ZFAND3: variants seen among roughly 807,000 people sequenced by gnomAD.
ZFAND3 encodes AN1-type zinc finger protein 3.
Under a neutral mutation model 29.6 loss-of-function variants are expected in ZFAND3, and 10 were observed. The observed-to-expected ratio is 0.34, with a 90% CI of 0.21 to 0.57. The LOEUF is 0.57. Ranked by LOEUF, ZFAND3 falls within the 20% of genes least tolerant of loss-of-function variation. The pLI, the probability that ZFAND3 is intolerant of heterozygous loss-of-function variation, is 0.86. For missense variants in ZFAND3, 230 were observed against 304.5 expected, an observed-to-expected ratio of 0.76 and a Z score of 1.82; for synonymous variants, 128 against 112.6, an observed-to-expected ratio of 1.14 and a Z score of -0.87.
chr6:38,092,828 T>G (rs777422630), intron 4 of ZFAND3, among the ~76,000 whole-genome samples: 1 of 152,236 alleles, frequency 6.6e-6, no homozygotes, highest in Non-Finnish European at 1.5e-5. Context: ...GCTTTCCGGT[T>G]TGATCCAGGA....
intron 2 of ZFAND3, among the ~76,000 whole-genome samples, chr6:37,985,670 C>G (rs1055969395): frequency 1.3e-5 from 2 of 152,052 alleles, no homozygotes; most frequent in Non-Finnish European, 2.9e-5. Context: ...CACAGTGAGA[C>G]CCTGTCTCCA....
chr6:37,929,937 C>A, intron 1 of ZFAND3, 22 bp from the exon 2 acceptor site: 2 of 1,583,588 alleles, frequency 1.3e-6, no homozygotes, highest in Non-Finnish European at 1.7e-6. Flanking sequence ...TTCTTTCTTT[C>A]TTTTCTTTTT....
At chr6:38,004,339 T>G (rs1249144375) in intron 2 of ZFAND3, among the ~76,000 whole-genome samples, 1 of 152,196 alleles carries the variant, frequency 6.6e-6, no homozygotes, top group African/African-American at 2.4e-5. Flanking sequence ...TAGCATTATA[T>G]TGCTTGCCTT....
intron 2 of ZFAND3, among the ~76,000 whole-genome samples, chr6:38,032,311 A>G (rs1312124114): frequency 6.6e-6 from 1 of 152,242 alleles, no homozygotes; most frequent in African/African-American, 2.4e-5. Flanking sequence ...AAAAGGACGT[A>G]TTATAATTTA....
intron 2 of ZFAND3, among the ~76,000 whole-genome samples, chr6:37,958,453 CAAAAAAAAAAA>C (rs11356169): frequency 1.3e-4 from 15 of 114,748 alleles, no homozygotes; most frequent in African/African-American, 4.5e-4. Context: ...GACTCGGTCT[CAAAAAAAAAAA>C]AAAAAAAAAA....
At chr6:37,980,062 TC>T (rs1197701012) in intron 2 of ZFAND3, among the ~76,000 whole-genome samples, 14 of 152,138 alleles carry the variant, frequency 9.2e-5, no homozygotes. Context: ...CACTTCATGT[TC>T]CCTTCTCTGT....
At chr6:38,009,596 C>T (rs924946256) in intron 2 of ZFAND3, among the ~76,000 whole-genome samples, 6 of 152,150 alleles carry the variant, frequency 3.9e-5, no homozygotes, top group East Asian at 1.9e-4. Context: ...ACCCAGCATA[C>T]GTAGCCACCA....
intron 1 of ZFAND3, among the ~76,000 whole-genome samples, chr6:37,918,122 G>A (rs1761297106): frequency 1.3e-5 from 2 of 152,020 alleles, no homozygotes; most frequent in Admixed American, 1.3e-4. Context: ...TGTTGCCCAG[G>A]CTGGAGTGCA....
chr6:37,908,550 A>G (rs1300664224), intron 1 of ZFAND3, among the ~76,000 whole-genome samples: 3 of 114,308 alleles, frequency 2.6e-5, no homozygotes, highest in Non-Finnish European at 5.1e-5. Flanking sequence ...ATTAAAAAAA[A>G]AAAAAAAAAG....
intron 1 of ZFAND3, among the ~76,000 whole-genome samples, chr6:37,847,552 G>A (rs1461367252): frequency 3.3e-5 from 5 of 152,124 alleles, no homozygotes; most frequent in East Asian, 1.9e-4. Context: ...CCAGCTTGGC[G>A]ACAGAGTGAG....
At chr6:37,869,417 C>A (rs1764650326) in intron 1 of ZFAND3, among the ~76,000 whole-genome samples, 1 of 152,142 alleles carries the variant, frequency 6.6e-6, no homozygotes, top group Non-Finnish European at 1.5e-5. Flanking sequence ...CCTGGGCCCC[C>A]AAAGTGCTGG....
intron 2 of ZFAND3, among the ~76,000 whole-genome samples, chr6:37,959,312 G>A (rs1357319751): frequency 2.0e-5 from 3 of 152,198 alleles, no homozygotes; most frequent in Non-Finnish European, 4.4e-5. Context: ...CGGTAGTGAT[G>A]GTTTCCTGCA....
chr6:37,973,660 C>T (rs1198642842), intron 2 of ZFAND3, among the ~76,000 whole-genome samples: 2 of 152,230 alleles, frequency 1.3e-5, no homozygotes, highest in African/African-American at 2.4e-5. Flanking sequence ...AAGCATTACA[C>T]TGAGTACTTA....
rs745711111 is a variant in ZFAND3 at position 38,061,647 on chromosome 6, A to G, written c.167A>G (p.Gln56Arg). ...TCCGCTCCAAGTACAAGTAACAGCC[A>G]ATCAGATTTGTTTTCCGAAGAGACC... ...DDSAPSTSNSQSDLFSEETTS... is the reference protein window; with the variant it reads ...DDSAPSTSNSRSDLFSEETTS... Residue 56 changes from glutamine to arginine, a missense_variant, in exon 3 of 6, where the codon CAA (glutamine) becomes CGA (arginine). Around this residue, in one of 2 missense-constraint regions of ZFAND3, gnomAD observed 180 missense variants for 202.5 expected, o/e 0.89. Transcript: ENST00000287218. The G allele has an allele frequency of 1.9e-6, 3 of 1,614,188 alleles. No individual in the cohort carries two copies. The highest frequency in any genetic ancestry group is 3.3e-5 in the Admixed American group (2 of 60,028).
At position 37,912,307 on chromosome 6, in the gene ZFAND3, T is replaced by G. The variant is rs148081842; in HGVS notation, c.72-17652T>G. Among the ~76,000 whole-genome samples the G allele has an allele frequency of 5.9e-5, 9 of 152,190 alleles. No individual in the cohort carries two copies. The East Asian group carries it at 1.7e-3, about 29-fold the overall frequency. ...GATGGTAGCACACAGAGTATGCTCA[T>G]TAAGATTGTGAAATGGCATCAAATT... On this transcript the variant is annotated intron_variant, in intron 1 of 5. Transcript: ENST00000287218.
At chr6:37,904,996 T>G (rs1198787350) in intron 1 of ZFAND3, among the ~76,000 whole-genome samples, 2 of 152,170 alleles carry the variant, frequency 1.3e-5, no homozygotes, top group Non-Finnish European at 2.9e-5. Flanking sequence ...CTAAAATATT[T>G]CTTAAAGGTA....
chr6:37,999,328 G>T (rs1480977938), intron 2 of ZFAND3, among the ~76,000 whole-genome samples: 2 of 152,164 alleles, frequency 1.3e-5, no homozygotes, highest in Non-Finnish European at 2.9e-5. Context: ...AGATAAATTT[G>T]CCATGTAGCA....
At chr6:37,894,466 C>G (rs1765159910) in intron 1 of ZFAND3, among the ~76,000 whole-genome samples, 1 of 151,526 alleles carries the variant, frequency 6.6e-6, no homozygotes. Flanking sequence ...AACTCCTGGT[C>G]TCCAGTGATC....
At chr6:38,123,943 G>A (rs1765581532) in intron 5 of ZFAND3, among the ~76,000 whole-genome samples, 2 of 152,136 alleles carry the variant, frequency 1.3e-5, no homozygotes, top group Non-Finnish European at 2.9e-5. Flanking sequence ...CAGTGTGGAA[G>A]GGGACGCGAG....
Sources: allele counts gnomAD v4.1 joint callset (sites outside exome capture counted in the v4.1 genomes callset), GRCh38; gene constraint gnomAD v4.1.1; regional missense constraint gnomAD v4.1.1; transcripts MANE v1.5; gene names NCBI Gene and HGNC (gene_info 2026-07-23, HGNC 2026-07-21).